Variants in KCNQ1 observed in about 807,000 individuals in gnomAD.
KCNQ1 encodes the protein potassium voltage-gated channel subfamily KQT member 1.
Under a neutral mutation model 72.4 loss-of-function variants are expected in KCNQ1, and 49 were observed. The ratio of observed to expected loss-of-function variants is 0.68; its 90% CI spans 0.54 to 0.86. KCNQ1 has a LOEUF of 0.86. KCNQ1 is among the 40% of genes least tolerant of loss of function. The probability of loss-of-function intolerance (pLI) is 0.00; values close to 1 mark genes in which losing one functional copy is unlikely to be tolerated. For missense variants in KCNQ1, 790 were observed against 945.1 expected (o/e 0.84, Z 2.15); for synonymous variants, 450 against 412.6 (o/e 1.09, Z -1.10).
At chr11:2,452,026 T>C (rs1191403172) in intron 1 of KCNQ1, among the ~76,000 whole-genome samples, 2 of 152,124 alleles carry the variant, frequency 1.3e-5, no homozygotes, top group Non-Finnish European at 2.9e-5. Context: ...CCTTTGAGAG[T>C]TGGCTCTCAA....
Position 2,663,824 on chromosome 11 carries a change from T to C in KCNQ1, c.1514+1743T>C. On this transcript the variant is annotated intron_variant, in intron 11 of 15. Coordinates refer to ENST00000155840, the MANE Select transcript of KCNQ1 (RefSeq NM_000218.3). This position sits in a 1 kb window ranked among gnomAD's most constrained non-coding sequence, Gnocchi z 5.2. ...CTATGGGGGTGAGGGCTGCCAGTGC[T>C]GGTATCAGCACATGCCAAGCTCCCT... The C allele has an allele frequency of 2.5e-6, 1 of 398,560 alleles. No homozygotes were observed. Among genetic ancestry groups the C allele is most frequent in the Non-Finnish European group, 4.4e-6 (1 of 226,068 alleles). 24.7% of individuals were successfully genotyped at this position (398,560 alleles called of 1,614,324 possible). A position where few individuals can be genotyped will look rare whatever the true frequency, so the allele number is the denominator to read the frequency against.
rs1379238241 is a variant in KCNQ1 at position 2,537,682 on chromosome 11, A to C, written c.477+9664A>C. On this transcript the variant is annotated intron_variant, in intron 2 of 15. Coordinates refer to ENST00000155840, the MANE Select transcript of KCNQ1 (RefSeq NM_000218.3). This position sits in a 1 kb window ranked among gnomAD's most constrained non-coding sequence, Gnocchi z 5.2. ...CGTTTCTCTCTATATGCAAAAACCTATATGGGTTTTGTGGGGTTTTTTGTT... is the reference window on the plus strand; with the variant it reads ...CGTTTCTCTCTATATGCAAAAACCTCTATGGGTTTTGTGGGGTTTTTTGTT... Among the ~76,000 whole-genome samples, 1 of 150,820 alleles carries C rather than the reference A, an allele frequency of 6.6e-6. No individual in the cohort carries two copies. Among genetic ancestry groups the C allele is most frequent in the Non-Finnish European group, 1.5e-5 (1 of 68,010 alleles).
chr11:2,788,671 C>G (rs568661144), intron 15 of KCNQ1, among the ~76,000 whole-genome samples: 1 of 152,238 alleles, frequency 6.6e-6, no homozygotes, highest in African/African-American at 2.4e-5. Context: ...CTTTAGAAGC[C>G]GTCATTAGTT....
chr11:2,684,342 G>A (rs1850448731), intron 11 of KCNQ1: 1 of 398,648 alleles, frequency 2.5e-6, no homozygotes, highest in East Asian at 3.6e-5. Context: ...CCAGGTATGT[G>A]TTTGAGGCCT....
At chr11:2,504,336 T>TGG (rs554233673) in intron 1 of KCNQ1, among the ~76,000 whole-genome samples, 400 of 151,672 alleles carry the variant, frequency 2.6e-3, no homozygotes, top group African/African-American at 9.0e-3. Context: ...GGAAGGGTAG[T>TGG]GGGGGTTGTG....
At chr11:2,587,407 G>C (rs1848606731) in intron 8 of KCNQ1, among the ~76,000 whole-genome samples, 163 bp from the exon 9 acceptor site, 1 of 152,180 alleles carries the variant, frequency 6.6e-6, no homozygotes, top group African/African-American at 2.4e-5. Context: ...CAGAGGGTCT[G>C]GGAGCTGGGA....
rs1312458170 is a variant in KCNQ1 at position 2,620,211 on chromosome 11, ATTTTTTTTTTT to A, written c.1393+31359_1393+31369del. The A allele has an allele frequency of 1.5e-5, 4 of 261,946 alleles. 1 individual carries two copies. Among genetic ancestry groups the A allele is most frequent in the Non-Finnish European group, 2.7e-5 (4 of 149,564 alleles). 16.2% of individuals were successfully genotyped at this position (261,946 alleles called of 1,614,324 possible). Reference sequence around the variant, plus strand: ...TAAGTTCATTCATGTATATATATATATTTTTTTTTTTTATTTTTTTTTTAGACGGAGTTTCG... The same window carrying A: ...TAAGTTCATTCATGTATATATATATATATTTTTTTTTTAGACGGAGTTTCG... On this transcript the variant is annotated intron_variant, in intron 10 of 15. Coordinates refer to ENST00000155840, the MANE Select transcript of KCNQ1 (RefSeq NM_000218.3). This position sits in a 1 kb window ranked among gnomAD's most constrained non-coding sequence, Gnocchi z 4.5.
intron 11 of KCNQ1, among the ~76,000 whole-genome samples, chr11:2,707,532 G>T (rs1458221658): frequency 6.6e-6 from 1 of 152,038 alleles, no homozygotes. Context: ...CATAGGTCCA[G>T]CTCTGAGACC....
chr11:2,721,950 A>T (rs1851210457), intron 11 of KCNQ1, among the ~76,000 whole-genome samples: 1 of 152,112 alleles, frequency 6.6e-6, no homozygotes. Context: ...CTGCCTGGGG[A>T]TACCCTCACC....
chr11:2,774,605 G>A (rs1041140349), intron 12 of KCNQ1, among the ~76,000 whole-genome samples: 1 of 152,202 alleles, frequency 6.6e-6, no homozygotes, highest in African/African-American at 2.4e-5. Flanking sequence ...ACAATGTTGG[G>A]CGGGCTGTAA....
chr11:2,798,476 G>A (rs1847186133), intron 15 of KCNQ1, among the ~76,000 whole-genome samples: 1 of 152,064 alleles, frequency 6.6e-6, no homozygotes, highest in African/African-American at 2.4e-5. Context: ...CAGCTGTAGA[G>A]GGGTTTGCGG....
At chr11:2,765,303 C>G (rs1223573771) in intron 11 of KCNQ1, among the ~76,000 whole-genome samples, 1 of 152,136 alleles carries the variant, frequency 6.6e-6, no homozygotes. Context: ...TGGAGATTCC[C>G]TAGTTATCTC....
In KCNQ1 at chr11:2,612,358, A is replaced by G. The variant is rs1848990472; in HGVS notation, c.1393+23504A>G. The G allele has an allele frequency of 1.0e-5, 4 of 398,664 alleles. No individual in the cohort carries two copies. The highest frequency in any genetic ancestry group is 1.8e-5 in the Non-Finnish European group (4 of 226,074). The allele number at this position is 398,664 out of a possible 1,614,324, so 24.7% of individuals were successfully genotyped here. A position where few individuals can be genotyped will look rare whatever the true frequency, so the allele number is the denominator to read the frequency against. ...GGCTGTGGAAAAATTGTCTTCCACA[A>G]AACTGGTCCCTCATGCCAAAAAGGT... On this transcript the variant is annotated intron_variant, in intron 10 of 15. Transcript: ENST00000155840. The surrounding 1 kb of genome is among the most constrained non-coding windows in gnomAD (Gnocchi z 5.5).
In KCNQ1 at chr11:2,723,491, C is replaced by A. The variant is rs1211363887; in HGVS notation, c.1515-45353C>A. Among the ~76,000 whole-genome samples the A allele has an allele frequency of 1.3e-5, 2 of 152,192 alleles. No individual in the cohort carries two copies. Among genetic ancestry groups the A allele is most frequent in the Admixed American group, 1.3e-4 (2 of 15,284 alleles). On this transcript the variant is annotated intron_variant, in intron 11 of 15. Transcript: ENST00000155840. The surrounding 1 kb of genome is among the most constrained non-coding windows in gnomAD (Gnocchi z 4.2). ...TTGGCAGCTGTGGCACGTGGAAGCC[C>A]TACACAGGCAGCCCCACACCTGGTC...
intron 10 of KCNQ1, among the ~76,000 whole-genome samples, chr11:2,590,928 C>T (rs1441091682): frequency 1.3e-5 from 2 of 152,216 alleles, no homozygotes; most frequent in East Asian, 3.9e-4. Flanking sequence ...GCGCTGATGC[C>T]CTGGCATCAC....
At chr11:2,589,503 C>G (rs897439553) in intron 10 of KCNQ1, among the ~76,000 whole-genome samples, 9 of 152,222 alleles carry the variant, frequency 5.9e-5, no homozygotes, top group Admixed American at 2.0e-4. Context: ...CCCACGCTAA[C>G]TCGTAAGCGT....
intron 11 of KCNQ1, among the ~76,000 whole-genome samples, chr11:2,736,599 T>A (rs1845960629): frequency 6.6e-6 from 1 of 152,154 alleles, no homozygotes; most frequent in Non-Finnish European, 1.5e-5. Flanking sequence ...CATAGCGGCT[T>A]GCTTAGGGCC....
rs1268790367 is a variant in KCNQ1 at position 2,484,603 on chromosome 11, A to T, written c.386+39119A>T. Among the ~76,000 whole-genome samples the T allele has an allele frequency of 1.3e-5, 2 of 152,162 alleles. No individual in the cohort carries two copies. The highest frequency in any genetic ancestry group is 1.3e-4 in the Admixed American group (2 of 15,278). ...TGGCACCCCAAGATGCTCTGGGCTC[A>T]GCTTGTATTTCCTTGCCTCAGTCTT... On this transcript the variant is annotated intron_variant, in intron 1 of 15. Coordinates refer to ENST00000155840, the MANE Select transcript of KCNQ1 (RefSeq NM_000218.3). This position sits in a 1 kb window ranked among gnomAD's most constrained non-coding sequence, Gnocchi z 5.2.
rs1590016300 is a variant in KCNQ1 at position 2,663,346 on chromosome 11, T to G, written c.1514+1265T>G. The G allele has an allele frequency of 2.5e-6, 1 of 398,748 alleles. No homozygotes were observed. The highest frequency in any genetic ancestry group is 4.4e-6 in the Non-Finnish European group (1 of 226,192). The allele number at this position is 398,748 out of a possible 1,614,324, so 24.7% of individuals were successfully genotyped here. On this transcript the variant is annotated intron_variant, in intron 11 of 15. Coordinates refer to ENST00000155840, the MANE Select transcript of KCNQ1 (RefSeq NM_000218.3). The surrounding 1 kb of genome is among the most constrained non-coding windows in gnomAD (Gnocchi z 5.2). ...AGGAGCAGAGGTGTGAGCAGGCTGGTAGCCAGATGGGCTGCCCAGGTACAG... is the reference window on the plus strand; with the variant it reads ...AGGAGCAGAGGTGTGAGCAGGCTGGGAGCCAGATGGGCTGCCCAGGTACAG...
Sources: gnomAD v4.1 joint callset for allele counts (sites outside exome capture counted in the v4.1 genomes callset) on GRCh38, gnomAD v4.1.1 for gene constraint, Gnocchi (gnomAD v3.1) non-coding constraint, MANE v1.5 for transcripts, NCBI Gene and HGNC (gene_info 2026-07-23, HGNC 2026-07-21) for gene names.